The following ZNF385C variants were observed in gnomAD, a reference collection of about 807,000 sequenced individuals.
The protein encoded by ZNF385C is zinc finger protein 385C.
ZNF385C carries 28 observed loss-of-function variants against 35.4 expected under a neutral mutation model. That is an observed-to-expected ratio of 0.79 (90% CI 0.59 to 1.08). ZNF385C has a LOEUF of 1.08. Ranked by LOEUF, ZNF385C falls within the 50% of genes least tolerant of loss-of-function variation. The pLI is 0.00. For missense variants in ZNF385C, 605 were observed against 595.6 expected (o/e 1.02, Z -0.16); for synonymous variants, 248 against 248.2 (o/e 1.00, Z 0.01).
intron 2 of ZNF385C, chr17:42,040,037 G>A (rs2052974655): frequency 8.1e-7 from 1 of 1,230,972 alleles, no homozygotes; most frequent in African/African-American, 1.6e-5. Flanking sequence ...AATACTACGC[G>A]CTTAAACAGC....
chr17:42,028,069 G>A lies in ZNF385C; in HGVS notation c.1145C>T (p.Ser382Leu). 1 of 1,613,748 alleles carries A rather than the reference G, an allele frequency of 6.2e-7. No individual in the cohort carries two copies. Among genetic ancestry groups the A allele is most frequent in the Middle Eastern group, 1.7e-4 (1 of 6,058 alleles). ...HCALCQLQVNSETQLKQHMSS... is the reference protein window; with the variant it reads ...HCALCQLQVNLETQLKQHMSS... ...TCCCACCTGCTTCAGTTGGGTCTCT[G>A]AATTGACCTGGAGCTGACAGAGAGC... is the stretch of plus-strand genomic sequence containing the variant. Residue 382 changes from serine (S) to leucine (L), a missense_variant, in exon 7 of 9, where the codon TCA (serine) becomes TTA (leucine). Physicochemically the swap from Ser to Leu is moderately radical, Grantham distance 145. Transcript: ENST00000692273.
chr17:42,072,963 C>T (rs1276349132), intron 1 of ZNF385C, among the ~76,000 whole-genome samples: 2 of 151,920 alleles, frequency 1.3e-5, no homozygotes, highest in Admixed American at 6.5e-5. Context: ...TCAGCACCAC[C>T]TTCCGCCCCC....
chr17:42,067,571 G>T (rs2143880919), intron 1 of ZNF385C, among the ~76,000 whole-genome samples: 1 of 152,276 alleles, frequency 6.6e-6, no homozygotes, highest in East Asian at 1.9e-4. Context: ...CTGTCTCCTG[G>T]AGCCACACCA....
intron 1 of ZNF385C, among the ~76,000 whole-genome samples, chr17:42,072,079 G>C (rs534735320): frequency 6.6e-6 from 1 of 152,298 alleles, no homozygotes; most frequent in South Asian, 2.1e-4. Flanking sequence ...GAGGGTGGGG[G>C]AGCAGGAGTA....
At chr17:42,042,972 C>T (rs1166263738) in intron 2 of ZNF385C, 1 of 1,232,462 alleles carries the variant, frequency 8.1e-7, no homozygotes, top group Non-Finnish European at 1.0e-6. Flanking sequence ...CCATGCAGTA[C>T]ACAGTAGTCA....
intron 2 of ZNF385C, among the ~76,000 whole-genome samples, chr17:42,053,137 C>T (rs1051475900): frequency 6.6e-6 from 1 of 152,164 alleles, no homozygotes; most frequent in African/African-American, 2.4e-5. Context: ...TCAGGATGTG[C>T]AGACTGCCCC....
rs2053907188 is a variant in ZNF385C at position 42,095,340 on chromosome 17, C to G, written c.-3+3070G>C. Among the ~76,000 whole-genome samples the G allele has an allele frequency of 6.6e-6, 1 of 152,204 alleles. No individual in the cohort carries two copies. The highest frequency in any genetic ancestry group is 2.1e-4 in the South Asian group (1 of 4,832). On this transcript the variant is annotated intron_variant, in intron 1 of 8. Transcript: ENST00000692273. The surrounding 1 kb of genome is among the most constrained non-coding windows in gnomAD (Gnocchi z 4.4). ...CCTGGCCAGCTGACCCCACAGTCTC[C>G]CCTGTCCCAAGCCCAAACTCCAAAC... is the stretch of plus-strand genomic sequence containing the variant.
intron 2 of ZNF385C, chr17:42,040,326 G>A: frequency 8.1e-7 from 1 of 1,231,822 alleles, no homozygotes; most frequent in Non-Finnish European, 1.0e-6. Flanking sequence ...CGCGGTAGGT[G>A]CAGCGTCCGC....
At chr17:42,079,219 CATATATATATATAT>C (rs201223179) in intron 1 of ZNF385C, among the ~76,000 whole-genome samples, 1 of 125,198 alleles carries the variant, frequency 8.0e-6, no homozygotes, top group African/African-American at 3.2e-5. Flanking sequence ...TATATATATA[CATATATATATATAT>C]ACACACATAT....
At chr17:42,027,570 C>A in intron 8 of ZNF385C, 48 bp downstream of exon 8, 2 of 1,010,540 alleles carry the variant, frequency 2.0e-6, no homozygotes, top group Non-Finnish European at 2.9e-6. Context: ...CCAGCCCACC[C>A]TCTCCCCTCC....
chr17:42,087,991 T>A (rs1344349765), intron 1 of ZNF385C, among the ~76,000 whole-genome samples: 1 of 152,174 alleles, frequency 6.6e-6, no homozygotes, highest in Non-Finnish European at 1.5e-5. Flanking sequence ...TGCTCTATAG[T>A]CCTCCGTAAG....
chr17:42,058,628 C>T (rs2053415837), intron 2 of ZNF385C, among the ~76,000 whole-genome samples: 1 of 152,190 alleles, frequency 6.6e-6, no homozygotes, highest in African/African-American at 2.4e-5. Context: ...CCTCGCCCTG[C>T]CCCCCACCTC....
chr17:42,037,764 C>A lies in ZNF385C; in HGVS notation c.372G>T (p.Pro124=). The A allele has an allele frequency of 6.5e-7, 1 of 1,534,974 alleles. No individual in the cohort carries two copies. The highest frequency in any genetic ancestry group is 8.8e-7 in the Non-Finnish European group (1 of 1,140,142). Residue 124 remains proline, a synonymous_variant, in exon 3 of 9, where the codon CCG becomes CCT. Coordinates refer to ENST00000692273, the MANE Select transcript of ZNF385C (RefSeq NM_001392013.1). The part of the protein sequence containing the change: ...LLAFHFNGAA[P]LSLFPNFSTM... ...TGCTGAAGTTGGGGAAGAGACTGAG[C>A]GGGGCAGCGCCATTGAAGTGGAAGG...
rs190667137 is a variant in ZNF385C, at chr17:42,043,992, G to A, written c.251-6107C>T. Among the ~76,000 whole-genome samples the A allele has an allele frequency of 2.2e-4, 33 of 151,944 alleles. No homozygotes were observed. The East Asian group carries it at 5.0e-3, about 23-fold the overall frequency. On this transcript the variant is annotated intron_variant, in intron 2 of 8. Coordinates refer to ENST00000692273, the MANE Select transcript of ZNF385C (RefSeq NM_001392013.1). ...AACTCCTAGCCCAAAAGATGACTGT[G>A]CCCTTCAGCCCACAGTCATCTATTT...
intron 2 of ZNF385C, among the ~76,000 whole-genome samples, chr17:42,054,051 C>T (rs1402049054): frequency 1.3e-5 from 2 of 152,178 alleles, no homozygotes; most frequent in Non-Finnish European, 2.9e-5. Context: ...TCTGGTTTCC[C>T]CCATCCCAAC....
intron 1 of ZNF385C, among the ~76,000 whole-genome samples, chr17:42,098,073 C>G (rs2053935351): frequency 6.6e-6 from 1 of 152,222 alleles, no homozygotes; most frequent in Non-Finnish European, 1.5e-5. Context: ...CACTCTCAGT[C>G]AACGAGGTTC....
intron 1 of ZNF385C, among the ~76,000 whole-genome samples, chr17:42,084,323 C>CAA (rs1267679685): frequency 0.013 from 1,552 of 120,934 alleles, 15 homozygotes; most frequent in Non-Finnish European, 0.017. Context: ...GAGCTTGTCT[C>CAA]AAAAAAAAAA....
chr17:42,038,212 AC>A (rs2143616035), intron 2 of ZNF385C: 1 of 658,772 alleles, frequency 1.5e-6, no homozygotes. Context: ...CCTGACACAC[AC>A]ACCACCATGG....
intron 8 of ZNF385C, 64 bp downstream of exon 8, chr17:42,027,554 G>GGCCCACCC: frequency 2.3e-5 from 13 of 556,866 alleles, no homozygotes; most frequent in East Asian, 1.0e-4. Flanking sequence ...CCCCCATCTG[G>GGCCCACCC]CCCTCCCAGC....
Sources: gnomAD v4.1 joint callset for allele counts (sites outside exome capture counted in the v4.1 genomes callset) on GRCh38, gnomAD v4.1.1 for gene constraint, Gnocchi (gnomAD v3.1) non-coding constraint, MANE v1.5 for transcripts, NCBI Gene and HGNC (gene_info 2026-07-23, HGNC 2026-07-21) for gene names.